Variants in CCSER1 observed in about 807,000 individuals in gnomAD.
CCSER1 encodes the protein coiled-coil serine rich protein 1.
A neutral mutation model predicts 82.0 loss-of-function variants in CCSER1; 41 were observed. The observed-to-expected ratio is 0.50, with a 90% CI of 0.39 to 0.65. The LOEUF (loss-of-function observed/expected upper bound fraction) is 0.65. Ranked by LOEUF, CCSER1 falls within the 30% of genes least tolerant of loss-of-function variation. The pLI is 0.00. For missense variants in CCSER1, 1,119 were observed against 1,064.2 expected (o/e 1.05, Z -0.72); for synonymous variants, 414 against 383.9 (o/e 1.08, Z -0.92).
At chr4:91,549,179 A>T (rs1762040511) in intron 10 of CCSER1, among the ~76,000 whole-genome samples, 1 of 151,878 alleles carries the variant, frequency 6.6e-6, no homozygotes, top group Admixed American at 6.6e-5. Context: ...TCTTTATGTT[A>T]TACTGTTTTT....
At chr4:91,432,202 G>A (rs755880836) in intron 10 of CCSER1, among the ~76,000 whole-genome samples, 2 of 152,108 alleles carry the variant, frequency 1.3e-5, no homozygotes, top group African/African-American at 2.4e-5. Flanking sequence ...GGCCTCCCTA[G>A]CTGTGTGGAA....
At chr4:90,961,896 C>G (rs1048314717) in intron 9 of CCSER1, among the ~76,000 whole-genome samples, 1 of 152,100 alleles carries the variant, frequency 6.6e-6, no homozygotes, top group South Asian at 2.1e-4. Context: ...ACCTTTTTCT[C>G]ATTTAGCCTG....
intron 8 of CCSER1, among the ~76,000 whole-genome samples, chr4:90,887,740 G>A (rs1264727718): frequency 6.6e-6 from 1 of 152,098 alleles, no homozygotes; most frequent in Non-Finnish European, 1.5e-5. Context: ...GAATTAGTTA[G>A]GCGTGGTGGT....
At chr4:91,275,633 A>G (rs934837946) in intron 10 of CCSER1, among the ~76,000 whole-genome samples, 4 of 152,170 alleles carry the variant, frequency 2.6e-5, no homozygotes, top group African/African-American at 7.2e-5. Context: ...TTGTCTCTTC[A>G]GTCTGTTGAC....
chr4:91,112,154 G>T (rs1726149941), intron 10 of CCSER1, among the ~76,000 whole-genome samples: 1 of 152,098 alleles, frequency 6.6e-6, no homozygotes, highest in Non-Finnish European at 1.5e-5. Context: ...AGCCATGTTT[G>T]TGGTCTAAGC....
intron 10 of CCSER1, among the ~76,000 whole-genome samples, chr4:91,452,418 A>G (rs1178350461): frequency 6.6e-6 from 1 of 151,996 alleles, no homozygotes; most frequent in Non-Finnish European, 1.5e-5. Flanking sequence ...TAATAAGGCT[A>G]ATTTGTATTG....
At chr4:91,328,716 A>G (rs144343169) in intron 10 of CCSER1, among the ~76,000 whole-genome samples, 1 of 152,224 alleles carries the variant, frequency 6.6e-6, no homozygotes, top group Admixed American at 6.5e-5. Flanking sequence ...GCACCTGGGA[A>G]TGTAGACACA....
At chr4:91,373,510 A>C (rs1314110919) in intron 10 of CCSER1, among the ~76,000 whole-genome samples, 1 of 152,114 alleles carries the variant, frequency 6.6e-6, no homozygotes, top group African/African-American at 2.4e-5. Context: ...GACACTGTCA[A>C]ATATGTCTAT....
intron 7 of CCSER1, among the ~76,000 whole-genome samples, chr4:90,787,155 C>G (rs1033310270): frequency 2.0e-5 from 3 of 152,176 alleles, no homozygotes; most frequent in African/African-American, 4.8e-5. Flanking sequence ...ACTTAGTTCT[C>G]TTGGATTTTT....
intron 10 of CCSER1, among the ~76,000 whole-genome samples, chr4:91,476,253 A>G (rs2085851320): frequency 6.6e-6 from 1 of 151,806 alleles, no homozygotes; most frequent in Non-Finnish European, 1.5e-5. Flanking sequence ...TTACATTCCC[A>G]CCAACAGTAT....
At chr4:90,654,636 T>TATTCATTC (rs1425836685) in intron 6 of CCSER1, among the ~76,000 whole-genome samples, 1 of 152,166 alleles carries the variant, frequency 6.6e-6, no homozygotes. Context: ...CCCATTCATT[T>TATTCATTC]ATTCATTCAT....
chr4:90,265,534 A>T (rs894166827), intron 1 of CCSER1, among the ~76,000 whole-genome samples: 3 of 151,910 alleles, frequency 2.0e-5, no homozygotes, highest in African/African-American at 7.2e-5. Context: ...ATTTCTGTCC[A>T]CATTGCCATG....
chr4:91,106,896 A>C (rs1160588651), intron 10 of CCSER1, among the ~76,000 whole-genome samples: 2 of 152,180 alleles, frequency 1.3e-5, no homozygotes, highest in African/African-American at 4.8e-5. Flanking sequence ...GTTCAGCTAC[A>C]TGATTCAATC....
chr4:91,109,831 A>G (rs1376331569), intron 10 of CCSER1, among the ~76,000 whole-genome samples: 2 of 152,142 alleles, frequency 1.3e-5, no homozygotes, highest in African/African-American at 4.8e-5. Flanking sequence ...AATGGAGCCC[A>G]TGGTTTCACA....
At chr4:90,850,141 G>A (rs1333140811) in intron 8 of CCSER1, among the ~76,000 whole-genome samples, 1 of 152,206 alleles carries the variant, frequency 6.6e-6, no homozygotes, top group Non-Finnish European at 1.5e-5. Context: ...TTCACATAGT[G>A]TTGGGCCTGT....
At chr4:90,403,822 A>C (rs1032338505) in intron 4 of CCSER1, 3 of 152,200 alleles carry the variant, frequency 2.0e-5, no homozygotes, top group African/African-American at 7.2e-5. Flanking sequence ...ACCACAGAAG[A>C]CAAGATTAAG....
At chr4:90,524,102 C>T (rs1773460308) in intron 5 of CCSER1, among the ~76,000 whole-genome samples, 1 of 152,042 alleles carries the variant, frequency 6.6e-6, no homozygotes, top group South Asian at 2.1e-4. Flanking sequence ...ACATTCCAGG[C>T]TGGGACAAAA....
chr4:91,158,949 A>T (rs1581671785), intron 10 of CCSER1, among the ~76,000 whole-genome samples: 1 of 151,996 alleles, frequency 6.6e-6, no homozygotes, highest in African/African-American at 2.4e-5. Context: ...CCAAAAGTAC[A>T]GCTTTTAACT....
chr4:91,045,181 T>G (rs557410617), intron 9 of CCSER1, among the ~76,000 whole-genome samples: 7 of 152,204 alleles, frequency 4.6e-5, no homozygotes, highest in Non-Finnish European at 1.0e-4. Context: ...TTACCACTTG[T>G]AAATGCAGCA....
Sources: gnomAD v4.1 joint callset for allele counts (sites outside exome capture counted in the v4.1 genomes callset) on GRCh38, gnomAD v4.1.1 for gene constraint, MANE v1.5 for transcripts, NCBI Gene and HGNC (gene_info 2026-07-23, HGNC 2026-07-21) for gene names.